Variants in SPATA16 observed in about 807,000 individuals in gnomAD.
The protein encoded by SPATA16 is spermatogenesis associated 16.
In SPATA16, 36 loss-of-function variants were observed where a neutral mutation model predicts 63.3. That is an observed-to-expected ratio of 0.57 (90% CI 0.44 to 0.75). The LOEUF is 0.75. Among genes scored for constraint, SPATA16 ranks in the 30% least tolerant of loss-of-function variants. The pLI is 0.00. For missense variants in SPATA16, 646 were observed against 679.3 expected, an observed-to-expected ratio of 0.95 and a Z score of 0.54; for synonymous variants, 203 against 216.7, an observed-to-expected ratio of 0.94 and a Z score of 0.56.
At chr3:173,033,678 T>G (rs1361255012) in intron 3 of SPATA16, among the ~76,000 whole-genome samples, 1 of 152,022 alleles carries the variant, frequency 6.6e-6, no homozygotes, top group African/African-American at 2.4e-5. Context: ...CCATTCGCTG[T>G]GTTACTTGGG....
chr3:173,117,873 A>C, intron 1 of SPATA16, 124 bp from the exon 2 acceptor site: 2 of 1,455,332 alleles, frequency 1.4e-6, no homozygotes. Flanking sequence ...CTTGTAAGTA[A>C]AACTGTATTT....
At chr3:173,060,879 A>G (rs899722425) in intron 2 of SPATA16, among the ~76,000 whole-genome samples, 1 of 152,172 alleles carries the variant, frequency 6.6e-6, no homozygotes, top group Non-Finnish European at 1.5e-5. Context: ...TCCGGATTCC[A>G]GTTGAGTTTA....
chr3:173,002,116 C>A (rs1734841703), intron 4 of SPATA16, among the ~76,000 whole-genome samples: 1 of 152,016 alleles, frequency 6.6e-6, no homozygotes, highest in African/African-American at 2.4e-5. Context: ...CGGATACTAT[C>A]AATATTTATT....
chr3:173,040,099 C>A (rs1025909088), intron 3 of SPATA16, among the ~76,000 whole-genome samples: 2 of 152,024 alleles, frequency 1.3e-5, no homozygotes, highest in Non-Finnish European at 2.9e-5. Flanking sequence ...TCCAGCCCCC[C>A]ACCTCCTTCT....
intron 8 of SPATA16, 81 bp from the exon 9 acceptor site, chr3:172,916,562 G>C: frequency 7.0e-7 from 1 of 1,425,498 alleles, no homozygotes; most frequent in South Asian, 1.2e-5. Context: ...CAGGGCTTGT[G>C]ATAACGTATT....
chr3:173,116,189 G>A (rs1737895068), intron 2 of SPATA16, among the ~76,000 whole-genome samples: 1 of 152,136 alleles, frequency 6.6e-6, no homozygotes, highest in African/African-American at 2.4e-5. Flanking sequence ...ACCATGCCAG[G>A]ACTTTATGGC....
At position 173,041,974 on chromosome 3, in the gene SPATA16, A is replaced by G. The variant is rs146374564; in HGVS notation, c.758+6975T>C. Among the ~76,000 whole-genome samples, 4 of 152,262 alleles carry G rather than the reference A, an allele frequency of 2.6e-5. No individual in the cohort carries two copies. In the East Asian group the frequency reaches 5.8e-4, roughly 22 times the overall value. On this transcript the variant is annotated intron_variant, in intron 3 of 10. Transcript: ENST00000351008. The stretch of plus-strand genomic sequence containing the variant: ...ATAAAAATAAAAAAAAGAAGAGGTT[A>G]TTGTATTTAAAATATCTCATTTCTT...
chr3:172,923,213 A>G (rs981179063), intron 8 of SPATA16, among the ~76,000 whole-genome samples: 1 of 152,196 alleles, frequency 6.6e-6, no homozygotes, highest in African/African-American at 2.4e-5. Flanking sequence ...TGGATTTCTT[A>G]TTAATAGAAA....
At chr3:172,963,534 A>T (rs958326171) in intron 5 of SPATA16, among the ~76,000 whole-genome samples, 1 of 152,006 alleles carries the variant, frequency 6.6e-6, no homozygotes. Flanking sequence ...ATGTATATAC[A>T]CATGCATGTA....
At chr3:172,954,823 AC>A (rs1162530000) in intron 6 of SPATA16, among the ~76,000 whole-genome samples, 1 of 152,194 alleles carries the variant, frequency 6.6e-6, no homozygotes, top group African/African-American at 2.4e-5. Flanking sequence ...AGCATTGTTA[AC>A]CCAAAGCACA....
intron 2 of SPATA16, among the ~76,000 whole-genome samples, chr3:173,115,790 T>C (rs1159934538): frequency 6.6e-6 from 1 of 152,160 alleles, no homozygotes; most frequent in Non-Finnish European, 1.5e-5. Context: ...ACAATGAAAA[T>C]AATACTTTAC....
At chr3:172,924,609 T>G (rs1169962682) in intron 7 of SPATA16, among the ~76,000 whole-genome samples, 6 of 152,232 alleles carry the variant, frequency 3.9e-5, no homozygotes, top group African/African-American at 7.2e-5. Context: ...GACTCTGTTT[T>G]TCCTGAGTTG....
intron 2 of SPATA16, among the ~76,000 whole-genome samples, chr3:173,108,591 G>T (rs1463251595): frequency 1.3e-5 from 2 of 152,006 alleles, no homozygotes; most frequent in African/African-American, 4.8e-5. Context: ...GAGTGGGTTT[G>T]GGCATCTGTG....
chr3:173,122,227 T>C (rs185010478), intron 1 of SPATA16, among the ~76,000 whole-genome samples: 138 of 152,308 alleles, frequency 9.1e-4, no homozygotes, highest in Middle Eastern at 3.4e-3. Flanking sequence ...GAAGTTAATG[T>C]TCAATCATTT....
intron 4 of SPATA16, among the ~76,000 whole-genome samples, chr3:173,008,958 A>T (rs572569355): frequency 9.8e-5 from 15 of 152,348 alleles, no homozygotes; most frequent in African/African-American, 3.4e-4. Context: ...ATTCAATAAG[A>T]CTATCTCTTA....
At chr3:172,981,611 C>T (rs1247006744) in intron 4 of SPATA16, among the ~76,000 whole-genome samples, 2 of 152,178 alleles carry the variant, frequency 1.3e-5, no homozygotes, top group Non-Finnish European at 2.9e-5. Flanking sequence ...TGCTCACCTC[C>T]TTCGGTCTTT....
intron 10 of SPATA16, among the ~76,000 whole-genome samples, chr3:172,903,948 T>G (rs1019758833): frequency 6.6e-6 from 1 of 152,350 alleles, no homozygotes; most frequent in South Asian, 2.1e-4. Context: ...TCAGGCAACG[T>G]TCTTTGTGCC....
intron 5 of SPATA16, among the ~76,000 whole-genome samples, chr3:172,968,326 T>G (rs894561299): frequency 3.3e-5 from 5 of 152,038 alleles, no homozygotes; most frequent in African/African-American, 9.7e-5. Flanking sequence ...TCAGTGAGAG[T>G]TGGGGCTTCA....
chr3:173,104,916 G>A (rs115231910), intron 2 of SPATA16, among the ~76,000 whole-genome samples: 337 of 152,232 alleles, frequency 2.2e-3, no homozygotes, highest in African/African-American at 7.5e-3. Context: ...TTAGGCTACT[G>A]TTCCATTTCT....
Sources: allele counts gnomAD v4.1 joint callset (sites outside exome capture counted in the v4.1 genomes callset), GRCh38; gene constraint gnomAD v4.1.1; transcripts MANE v1.5; gene names NCBI Gene and HGNC (gene_info 2026-07-23, HGNC 2026-07-21).